The following PTPRE variants were observed in gnomAD, a reference collection of about 807,000 sequenced individuals.
PTPRE encodes protein tyrosine phosphatase receptor type E, also known as receptor-type tyrosine-protein phosphatase epsilon.
Under a neutral mutation model 102.0 loss-of-function variants are expected in PTPRE, and 51 were observed. The observed-to-expected ratio is 0.50, with a 90% CI of 0.40 to 0.63. PTPRE has a LOEUF of 0.63. Among genes scored for constraint, PTPRE ranks in the 30% least tolerant of loss-of-function variants. The pLI, the probability that PTPRE is intolerant of heterozygous loss-of-function variation, is 0.00. For synonymous variants in PTPRE, 345 were observed against 348.2 expected (o/e 0.99, Z 0.10); for missense variants, 752 against 915.1 (o/e 0.82, Z 2.30).
intron 7 of PTPRE, among the ~76,000 whole-genome samples, chr10:128,058,795 G>C (rs1460677635): frequency 6.6e-6 from 1 of 151,966 alleles, no homozygotes; most frequent in Non-Finnish European, 1.5e-5. Context: ...CTGGGGGAGA[G>C]GAGAGAAGGG....
chr10:128,024,495 C>A (rs975572985), intron 2 of PTPRE, among the ~76,000 whole-genome samples: 1 of 152,206 alleles, frequency 6.6e-6, no homozygotes, highest in Non-Finnish European at 1.5e-5. Context: ...ACAGGATAAG[C>A]TCTTTACTTT....
At chr10:127,961,950 G>A (rs1296358617) in intron 1 of PTPRE, among the ~76,000 whole-genome samples, 1 of 152,224 alleles carries the variant, frequency 6.6e-6, no homozygotes, top group Admixed American at 6.5e-5. Flanking sequence ...TCTGCAGGAT[G>A]TGCGGCCTGC....
chr10:127,978,044 C>A (rs1165085160), intron 1 of PTPRE, among the ~76,000 whole-genome samples: 2 of 152,178 alleles, frequency 1.3e-5, no homozygotes, highest in Non-Finnish European at 2.9e-5. Context: ...ATATGGCCAT[C>A]CCGGGGCTTT....
chr10:128,057,720 C>T (rs58710454), intron 7 of PTPRE, among the ~76,000 whole-genome samples: 2,979 of 152,258 alleles, frequency 0.02, 96 homozygotes, highest in African/African-American at 0.068. Flanking sequence ...CAAGGCAACA[C>T]CAGGAAGATG....
intron 7 of PTPRE, among the ~76,000 whole-genome samples, chr10:128,059,800 C>T (rs1849362423): frequency 1.3e-5 from 2 of 152,172 alleles, no homozygotes; most frequent in Admixed American, 1.3e-4. Context: ...TTCTGGAGTG[C>T]ATCTTTTCAC....
chr10:127,960,298 G>A (rs1168330295), intron 1 of PTPRE, among the ~76,000 whole-genome samples: 2 of 152,242 alleles, frequency 1.3e-5, no homozygotes, highest in East Asian at 3.8e-4. Context: ...CACCCAGCAA[G>A]TGAGCGCTGA....
At chr10:127,945,166 G>A (rs1158953658) in intron 1 of PTPRE, among the ~76,000 whole-genome samples, 1 of 152,194 alleles carries the variant, frequency 6.6e-6, no homozygotes, top group African/African-American at 2.4e-5. Flanking sequence ...CCAGTACCTG[G>A]TTGGTTTTCG....
At chr10:127,947,037 G>T (rs969152838) in intron 1 of PTPRE, among the ~76,000 whole-genome samples, 4 of 138,408 alleles carry the variant, frequency 2.9e-5, no homozygotes, top group African/African-American at 1.1e-4. Flanking sequence ...AAAAAAAAAA[G>T]CTATATGTTT....
chr10:128,003,487 G>T (rs575947802), intron 2 of PTPRE, among the ~76,000 whole-genome samples: 50 of 152,088 alleles, frequency 3.3e-4, no homozygotes, highest in African/African-American at 1.1e-3. Flanking sequence ...ATTCATCCTG[G>T]TGATACTGTT....
intron 2 of PTPRE, among the ~76,000 whole-genome samples, chr10:128,022,952 A>G (rs1034141632): frequency 6.6e-6 from 1 of 152,246 alleles, no homozygotes; most frequent in African/African-American, 2.4e-5. Context: ...AATCATGAAG[A>G]CAATGAAAAT....
At chr10:128,001,831 G>T (rs987596024) in intron 2 of PTPRE, among the ~76,000 whole-genome samples, 4 of 152,188 alleles carry the variant, frequency 2.6e-5, no homozygotes. Flanking sequence ...AAGAAAGCAC[G>T]CTGTCATCTG....
intron 1 of PTPRE, chr10:127,965,060 C>A (rs1850139880): frequency 2.2e-6 from 1 of 455,800 alleles, no homozygotes; most frequent in Non-Finnish European, 4.4e-6. Flanking sequence ...CTTTGAAGAT[C>A]TTGCACTTGA....
chr10:128,053,863 C>T (rs533464404), intron 6 of PTPRE, among the ~76,000 whole-genome samples: 1 of 152,250 alleles, frequency 6.6e-6, no homozygotes, highest in South Asian at 2.1e-4. Flanking sequence ...CAGGTTCAAG[C>T]GATTTTACTG....
At position 127,944,568 on chromosome 10, in the gene PTPRE, A is replaced by G. The variant is rs1328976746; in HGVS notation, c.-31+37259A>G. On this transcript the variant is annotated intron_variant, in intron 1 of 20. Coordinates refer to ENST00000254667, the MANE Select transcript of PTPRE (RefSeq NM_006504.6). This position sits in a 1 kb window ranked among gnomAD's most constrained non-coding sequence, Gnocchi z 4.2. ...GATAAGTGGATGGATGGATGGGTGG[A>G]TAGATGGATGGATAGGTTAGTGAGG... Among the ~76,000 whole-genome samples, 6 of 152,034 alleles carry G rather than the reference A, an allele frequency of 3.9e-5. No individual in the cohort carries two copies. The highest frequency in any genetic ancestry group is 8.8e-5 in the Non-Finnish European group (6 of 67,984).
rs150961087 is a variant in PTPRE at position 127,982,287 on chromosome 10, C to G, written c.-17C>G. 49 of 1,269,784 alleles carry G rather than the reference C, an allele frequency of 3.9e-5. No individual in the cohort carries two copies. Among genetic ancestry groups the G allele is most frequent in the Non-Finnish European group, 5.0e-5 (49 of 974,942 alleles). 78.7% of individuals were successfully genotyped at this position (1,269,784 alleles called of 1,614,324 possible). ...TTTCTTCTTCAGACTATAGCCTTCA[C>G]TTTCCCTCGGTGAGTACAAAACTTT... On this transcript the variant is annotated 5_prime_UTR_variant, in exon 2 of 21. Coordinates refer to ENST00000254667, the MANE Select transcript of PTPRE (RefSeq NM_006504.6).
At chr10:127,962,454 G>A (rs910539058) in intron 1 of PTPRE, among the ~76,000 whole-genome samples, 1 of 152,208 alleles carries the variant, frequency 6.6e-6, no homozygotes, top group Non-Finnish European at 1.5e-5. Flanking sequence ...CTGTGCACCC[G>A]CAGCTGCTCC....
At chr10:127,909,451 C>T (rs1845718288) in intron 1 of PTPRE, among the ~76,000 whole-genome samples, 1 of 152,194 alleles carries the variant, frequency 6.6e-6, no homozygotes, top group South Asian at 2.1e-4. Context: ...TATTCCCTCC[C>T]TGAAGGCCAG....
chr10:127,961,372 A>G (rs1420350789), intron 1 of PTPRE, among the ~76,000 whole-genome samples: 76 of 152,098 alleles, frequency 5.0e-4, no homozygotes, highest in Non-Finnish European at 4.4e-5. Flanking sequence ...GGCACCCAGC[A>G]CAGAGAATTG....
intron 1 of PTPRE, among the ~76,000 whole-genome samples, chr10:127,918,752 A>T (rs1233696911): frequency 6.6e-6 from 1 of 152,184 alleles, no homozygotes; most frequent in East Asian, 1.9e-4. Flanking sequence ...GGACAGACAC[A>T]CAATGACAGC....
Sources: allele counts gnomAD v4.1 joint callset (sites outside exome capture counted in the v4.1 genomes callset), GRCh38; gene constraint gnomAD v4.1.1; non-coding constraint Gnocchi (gnomAD v3.1); transcripts MANE v1.5; gene names NCBI Gene and HGNC (gene_info 2026-07-23, HGNC 2026-07-21).